Variants in ARHGEF38 observed in about 807,000 individuals in gnomAD.
ARHGEF38 encodes the protein Rho guanine nucleotide exchange factor (GEF) 38.
Under a neutral mutation model 79.9 loss-of-function variants are expected in ARHGEF38, and 79 were observed. The observed-to-expected ratio is 0.99, with a 90% CI of 0.82 to 1.19. The LOEUF is 1.19. ARHGEF38 is among the 50% of genes most tolerant of loss of function. ARHGEF38 has a pLI of 0.00. For synonymous variants in ARHGEF38, 366 were observed against 328.3 expected, an observed-to-expected ratio of 1.11 and a Z score of -1.24; for missense variants, 962 against 907.2, an observed-to-expected ratio of 1.06 and a Z score of -0.78.
chr4:105,646,561 T>G (rs572486475), intron 6 of ARHGEF38, among the ~76,000 whole-genome samples: 1 of 152,294 alleles, frequency 6.6e-6, no homozygotes, highest in African/African-American at 2.4e-5. Flanking sequence ...AGAGAACAAC[T>G]TGACAATACC....
chr4:105,670,578 C>G (rs1410758508), intron 13 of ARHGEF38, among the ~76,000 whole-genome samples: 1 of 151,806 alleles, frequency 6.6e-6, no homozygotes, highest in Non-Finnish European at 1.5e-5. Flanking sequence ...AATATTTTCC[C>G]CTGGTTATAA....
chr4:105,577,481 A>G (rs1257105749), intron 1 of ARHGEF38, among the ~76,000 whole-genome samples: 2 of 151,860 alleles, frequency 1.3e-5, no homozygotes, highest in Non-Finnish European at 2.9e-5. Flanking sequence ...TAATGGTTTC[A>G]GTAGGATTGA....
chr4:105,646,035 C>T (rs934043547), intron 6 of ARHGEF38, among the ~76,000 whole-genome samples: 1 of 152,142 alleles, frequency 6.6e-6, no homozygotes, highest in Non-Finnish European at 1.5e-5. Context: ...GCTGTGGGTC[C>T]TCCCTCAGTG....
intron 5 of ARHGEF38, among the ~76,000 whole-genome samples, chr4:105,643,626 A>G (rs1443465092): frequency 2.0e-5 from 3 of 152,274 alleles, no homozygotes; most frequent in South Asian, 4.1e-4. Flanking sequence ...ATGCATTGAG[A>G]GAATACTGTA....
At chr4:105,628,200 G>A (rs555680687) in intron 3 of ARHGEF38, among the ~76,000 whole-genome samples, 100 of 152,124 alleles carry the variant, frequency 6.6e-4, no homozygotes, top group Non-Finnish European at 1.2e-3. Flanking sequence ...ATCACCTTGT[G>A]GATTTGTGAG....
intron 9 of ARHGEF38, 52 bp from the exon 10 acceptor site, chr4:105,659,002 A>G: frequency 7.0e-7 from 1 of 1,438,318 alleles, no homozygotes; most frequent in Middle Eastern, 1.8e-4. Flanking sequence ...AGAACTGGAC[A>G]AGGTATGGGC....
chr4:105,591,999 C>T (rs1727362962), intron 2 of ARHGEF38, among the ~76,000 whole-genome samples: 1 of 152,304 alleles, frequency 6.6e-6, no homozygotes, highest in South Asian at 2.1e-4. Flanking sequence ...TGGTTACTAA[C>T]ATGTTCATTT....
At chr4:105,630,769 C>A in intron 3 of ARHGEF38, 129 bp from the exon 4 acceptor site, 1 of 665,036 alleles carries the variant, frequency 1.5e-6, no homozygotes, top group South Asian at 4.0e-5. Context: ...TTCCACCCTC[C>A]CTGAATAACC....
At chr4:105,612,177 C>A (rs1012643480) in intron 2 of ARHGEF38, among the ~76,000 whole-genome samples, 1 of 151,996 alleles carries the variant, frequency 6.6e-6, no homozygotes, top group African/African-American at 2.4e-5. Context: ...TTCTTCCTTA[C>A]CCCTTGAATA....
intron 2 of ARHGEF38, among the ~76,000 whole-genome samples, chr4:105,590,708 T>C (rs974255666): frequency 1.3e-5 from 2 of 152,210 alleles, no homozygotes; most frequent in African/African-American, 4.8e-5. Flanking sequence ...TTTAAGATTT[T>C]GAATAAAATG....
At chr4:105,585,002 C>T (rs915966994) in intron 1 of ARHGEF38, among the ~76,000 whole-genome samples, 15 of 152,106 alleles carry the variant, frequency 9.9e-5, no homozygotes, top group South Asian at 6.2e-4. Context: ...GACTTTCCTC[C>T]GAAAGCAGCA....
intron 1 of ARHGEF38, among the ~76,000 whole-genome samples, chr4:105,553,967 G>A (rs1374574393): frequency 6.6e-6 from 1 of 151,836 alleles, no homozygotes; most frequent in African/African-American, 2.4e-5. Flanking sequence ...ATTTAGTTAT[G>A]CAAATTAATT....
chr4:105,615,334 C>G (rs1026053893), intron 3 of ARHGEF38, among the ~76,000 whole-genome samples: 3 of 152,118 alleles, frequency 2.0e-5, no homozygotes, highest in Non-Finnish European at 2.9e-5. Flanking sequence ...TAGGTCTGAA[C>G]AGCATGCAGA....
At chr4:105,567,001 C>T (rs1017821844) in intron 1 of ARHGEF38, among the ~76,000 whole-genome samples, 3 of 152,186 alleles carry the variant, frequency 2.0e-5, no homozygotes, top group Non-Finnish European at 4.4e-5. Context: ...GATCCTCCTG[C>T]CTTGGCCTCT....
At chr4:105,590,178 C>A (rs1210028393) in intron 2 of ARHGEF38, among the ~76,000 whole-genome samples, 2 of 151,686 alleles carry the variant, frequency 1.3e-5, no homozygotes, top group Admixed American at 6.6e-5. Flanking sequence ...GAGATGGGGA[C>A]AAACGAGTGG....
intron 1 of ARHGEF38, among the ~76,000 whole-genome samples, chr4:105,576,773 C>T (rs1372883081): frequency 1.3e-5 from 2 of 152,010 alleles, no homozygotes; most frequent in Non-Finnish European, 2.9e-5. Flanking sequence ...ATTCTTTCAA[C>T]TTTTCTTCCT....
At chr4:105,666,605 T>C (rs1309412575) in intron 11 of ARHGEF38, among the ~76,000 whole-genome samples, 2 of 152,212 alleles carry the variant, frequency 1.3e-5, no homozygotes, top group Non-Finnish European at 2.9e-5. Flanking sequence ...AATAAGATTT[T>C]ATAAAGATAA....
At chr4:105,578,844 T>C (rs904348936) in intron 1 of ARHGEF38, among the ~76,000 whole-genome samples, 1 of 152,320 alleles carries the variant, frequency 6.6e-6, no homozygotes, top group Non-Finnish European at 1.5e-5. Flanking sequence ...GGTTTGTGAT[T>C]TTTTTAATCC....
At position 105,552,835 on chromosome 4, in the gene ARHGEF38, T is replaced by C. The variant is rs989839055; in HGVS notation, c.70T>C (p.Ser24Pro). The C allele has an allele frequency of 5.6e-6, 9 of 1,613,592 alleles. No individual in the cohort carries two copies. In the Admixed American group the frequency reaches 1.3e-4, roughly 24 times the overall value. The change falls in exon 1 of 14, where the codon TCT (serine) becomes CCT (proline). Residue 24 changes from serine to proline, a missense_variant. Transcript: ENST00000420470. ...GAAAAAGAATCTGGCCTTCTTGAGG[T>C]CTAGACTCTATATGCTGGAGAGAAG... ...TKKKNLAFLRSRLYMLERRKT... is the reference protein window; with the variant it reads ...TKKKNLAFLRPRLYMLERRKT...
Sources: gnomAD v4.1 joint callset for allele counts (sites outside exome capture counted in the v4.1 genomes callset) on GRCh38, gnomAD v4.1.1 for gene constraint, MANE v1.5 for transcripts, NCBI Gene and HGNC (gene_info 2026-07-23, HGNC 2026-07-21) for gene names.